Variants in C11orf65 observed in about 807,000 individuals in gnomAD.
C11orf65 encodes the protein protein MFI.
In C11orf65, 38 loss-of-function variants were observed where a neutral mutation model predicts 35.3. That is an observed-to-expected ratio of 1.08 (90% confidence interval 0.83 to 1.41). The LOEUF (loss-of-function observed/expected upper bound fraction) is 1.41, where lower values mean the gene tolerates loss of function less well. C11orf65 is among the 40% of genes most tolerant of loss of function. C11orf65 has a pLI of 0.00. For synonymous variants in C11orf65, 105 were observed against 114.4 expected (o/e 0.92, Z 0.53); for missense variants, 370 against 367.1 (o/e 1.01, Z -0.06).
intron 2 of C11orf65, among the ~76,000 whole-genome samples, chr11:108,447,072 A>G (rs1406550105): frequency 6.6e-6 from 1 of 152,220 alleles, no homozygotes; most frequent in African/African-American, 2.4e-5. Flanking sequence ...CAATTCAACA[A>G]GAAGAGCTAA....
intron 2 of C11orf65, among the ~76,000 whole-genome samples, chr11:108,341,050 A>C (rs2087499214): frequency 6.6e-6 from 1 of 152,014 alleles, no homozygotes; most frequent in African/African-American, 2.4e-5. Context: ...TTATCCCTGA[A>C]TGACAATTCT....
chr11:108,457,012 C>T (rs1001560882), intron 2 of C11orf65, among the ~76,000 whole-genome samples: 13 of 152,044 alleles, frequency 8.6e-5, no homozygotes, highest in African/African-American at 2.7e-4. Context: ...TAGATCTTGG[C>T]GGTTTGAAGA....
chr11:108,467,620 A>G (rs1017543318), upstream of C11orf65: 2 of 152,128 alleles, frequency 1.3e-5, no homozygotes, highest in African/African-American at 2.4e-5. Flanking sequence ...GACAAAGTGC[A>G]GGGGATATAG....
chr11:108,322,241 AC>A (rs2085288945), intron 6 of C11orf65, among the ~76,000 whole-genome samples: 1 of 151,484 alleles, frequency 6.6e-6, no homozygotes, highest in South Asian at 2.1e-4. Flanking sequence ...TGCAGTCTCC[AC>A]CTCCCAGGTT....
intron 3 of C11orf65, among the ~76,000 whole-genome samples, chr11:108,423,640 AG>A (rs2092854311): frequency 1.3e-5 from 2 of 152,184 alleles, no homozygotes; most frequent in Non-Finnish European, 2.9e-5. Context: ...AGGGGTTGAC[AG>A]ACACCTCATA....
In C11orf65 at chr11:108,331,905, C is replaced by A. The variant is rs1555124473; in HGVS notation, c.300-338G>T. The A allele has an allele frequency of 1.2e-6, 2 of 1,613,590 alleles. No individual in the cohort carries two copies. Among genetic ancestry groups the A allele is most frequent in the African/African-American group, 2.7e-5 (2 of 74,864 alleles). On this transcript the variant is annotated intron_variant, in intron 3 of 3. Transcript: ENST00000524755. ...TAATCTCTAGAATTTCAATGGATCA[C>A]CCCCATCACACTTTGTTTATTATAC... is the stretch of plus-strand genomic sequence containing the variant.
rs2086837891 is a variant in C11orf65 at position 108,336,232 on chromosome 11, G to A, written c.227-940C>T. 20 of 376,106 alleles carry A rather than the reference G, an allele frequency of 5.3e-5. 1 individual carries two copies. Among genetic ancestry groups the A allele is most frequent in the South Asian group, 4.3e-4 (18 of 41,562 alleles). 23.3% of individuals were successfully genotyped at this position (376,106 alleles called of 1,614,324 possible). On this transcript the variant is annotated intron_variant, in intron 2 of 3. Coordinates refer to the C11orf65 transcript ENST00000524755. ...AGGTGGGAGGATCACTTGAGTCCAG[G>A]AGTTTGAGGCTGCAGTGAGCTCAAA... is the stretch of plus-strand genomic sequence containing the variant.
intron 2 of C11orf65, among the ~76,000 whole-genome samples, chr11:108,361,619 A>G (rs2090768827): frequency 1.3e-5 from 2 of 151,860 alleles, no homozygotes; most frequent in South Asian, 4.2e-4. Context: ...AATGGAACAG[A>G]ACAGAGCCCT....
At chr11:108,408,310 T>C (rs932094473) in intron 3 of C11orf65, among the ~76,000 whole-genome samples, 1 of 152,156 alleles carries the variant, frequency 6.6e-6, no homozygotes, top group Admixed American at 6.5e-5. Flanking sequence ...GAAAAAATTA[T>C]GACTGATCAA....
chr11:108,367,352 G>T (rs990391005), intron 2 of C11orf65: 32 of 187,232 alleles, frequency 1.7e-4, no homozygotes, highest in Non-Finnish European at 3.3e-4. Context: ...GTATTTAAAA[G>T]AATGTTTTCT....
intron 7 of C11orf65, among the ~76,000 whole-genome samples, chr11:108,386,882 C>A (rs557086484): frequency 6.6e-6 from 1 of 151,914 alleles, no homozygotes; most frequent in Admixed American, 6.6e-5. Context: ...GAGATCGAGA[C>A]GACCCTGGCT....
intron 6 of C11orf65, among the ~76,000 whole-genome samples, chr11:108,403,854 G>A (rs952128615): frequency 1.3e-5 from 2 of 152,064 alleles, no homozygotes; most frequent in Admixed American, 6.5e-5. Flanking sequence ...TCGCTCTGTC[G>A]CCCAGGCTGG....
intron 6 of C11orf65, chr11:108,326,315 TAG>T: frequency 6.8e-7 from 1 of 1,470,544 alleles, no homozygotes; most frequent in Non-Finnish European, 9.2e-7. Context: ...ACAATTTTAT[TAG>T]AGCCTTGAAA....
chr11:108,348,148 T>G (rs1420471611), intron 2 of C11orf65, among the ~76,000 whole-genome samples: 4 of 152,094 alleles, frequency 2.6e-5, no homozygotes, highest in African/African-American at 9.7e-5. Context: ...GCTCATTATT[T>G]TGAAGTATTA....
intron 6 of C11orf65, among the ~76,000 whole-genome samples, chr11:108,398,618 C>T (rs2092372254): frequency 6.6e-6 from 1 of 152,156 alleles, no homozygotes; most frequent in Non-Finnish European, 1.5e-5. Context: ...GGCTTATCAC[C>T]AGATGCTGTT....
At chr11:108,432,136 A>G (rs2092998684) in intron 2 of C11orf65, among the ~76,000 whole-genome samples, 1 of 152,192 alleles carries the variant, frequency 6.6e-6, no homozygotes, top group Admixed American at 6.5e-5. Context: ...AATCTAGAAA[A>G]AAACCAAAAT....
chr11:108,357,062 C>G (rs536881404), intron 2 of C11orf65, among the ~76,000 whole-genome samples: 1 of 152,362 alleles, frequency 6.6e-6, no homozygotes, highest in Admixed American at 6.5e-5. Context: ...GAGCGCCAGA[C>G]AGTGGGCGCA....
At chr11:108,343,420 T>C in intron 2 of C11orf65, 7 of 1,602,252 alleles carry the variant, frequency 4.4e-6, no homozygotes, top group Non-Finnish European at 6.0e-6. Flanking sequence ...TTTAATGGCT[T>C]ATTAAAGCTG....
chr11:108,316,061 A>G lies in C11orf65; in HGVS notation c.641-6990T>C, dbSNP rs1233757467. 6.2e-7 allele frequency: 1 copy of G among 1,614,176 alleles called. No individual in the cohort carries two copies. Among genetic ancestry groups the G allele is most frequent in the Non-Finnish European group, 8.5e-7 (1 of 1,180,014 alleles). ...ATGTGGGGCAAAGCCCTAGTAACAT[A>G]TGACCTCGAAACAGCAATCCCCTCA... On this transcript the variant is annotated intron_variant, in intron 6 of 6. Transcript: ENST00000525729.
Sources: allele counts gnomAD v4.1 joint callset (sites outside exome capture counted in the v4.1 genomes callset), GRCh38; gene constraint gnomAD v4.1.1; transcripts MANE v1.5; gene names NCBI Gene and HGNC (gene_info 2026-07-23, HGNC 2026-07-21).